The following LUZP2 variants were observed in gnomAD, a reference collection of about 807,000 sequenced individuals.
LUZP2 encodes the protein leucine zipper protein 2.
Under a neutral mutation model 51.6 loss-of-function variants are expected in LUZP2, and 52 were observed. The ratio of observed to expected loss-of-function variants is 1.01; its 90% CI spans 0.81 to 1.27. The LOEUF (loss-of-function observed/expected upper bound fraction) is 1.27. Ranked by LOEUF, LUZP2 falls within the 50% of genes most tolerant of loss-of-function variation. LUZP2 has a pLI of 0.00. For synonymous variants in LUZP2, 154 were observed against 137.3 expected (o/e 1.12, Z -0.85); for missense variants, 436 against 395.4 (o/e 1.10, Z -0.87).
At chr11:24,667,184 CTTTTTTTTTT>C (rs199740839) in intron 1 of LUZP2, among the ~76,000 whole-genome samples, 1 of 132,056 alleles carries the variant, frequency 7.6e-6, no homozygotes, top group Non-Finnish European at 1.6e-5. Context: ...TTCTTTTTTT[CTTTTTTTTTT>C]TTTTTTTGAG....
At chr11:24,978,684 A>G (rs950656081) in intron 8 of LUZP2, among the ~76,000 whole-genome samples, 1 of 151,772 alleles carries the variant, frequency 6.6e-6, no homozygotes, top group South Asian at 2.1e-4. Context: ...GTTTAGCACT[A>G]ACAATTAGGG....
At chr11:24,635,421 A>T (rs999705818) in intron 1 of LUZP2, among the ~76,000 whole-genome samples, 8 of 150,300 alleles carry the variant, frequency 5.3e-5, no homozygotes, top group South Asian at 4.2e-4. Context: ...ATCAGAAAAG[A>T]GTGTGTGTGT....
intron 9 of LUZP2, among the ~76,000 whole-genome samples, chr11:24,997,924 A>G (rs1167171815): frequency 6.6e-6 from 1 of 152,134 alleles, no homozygotes; most frequent in Non-Finnish European, 1.5e-5. Context: ...AAGATCGGAC[A>G]GTTGTAGATA....
chr11:25,030,938 T>TATATATG (rs1857644186), intron 9 of LUZP2, among the ~76,000 whole-genome samples: 2 of 1,366 alleles, frequency 1.5e-3, no homozygotes, highest in Non-Finnish European at 2.2e-3. Context: ...ATAATATATA[T>TATATATG]TATATATATT....
intron 5 of LUZP2, among the ~76,000 whole-genome samples, chr11:24,868,528 A>G (rs1347531606): frequency 6.6e-6 from 1 of 152,082 alleles, no homozygotes; most frequent in Non-Finnish European, 1.5e-5. Flanking sequence ...TCTCTTGTTA[A>G]TCTGTCTTTT....
chr11:25,019,659 G>C (rs1020847604), intron 9 of LUZP2, among the ~76,000 whole-genome samples: 2 of 151,970 alleles, frequency 1.3e-5, no homozygotes, highest in Non-Finnish European at 2.9e-5. Flanking sequence ...ATTTAATATA[G>C]AACTTTTACT....
chr11:24,970,691 C>T (rs1855714905), intron 7 of LUZP2, among the ~76,000 whole-genome samples: 3 of 152,160 alleles, frequency 2.0e-5, no homozygotes, highest in Admixed American at 2.0e-4. Flanking sequence ...GTTATACCTT[C>T]ATGTTTCCCA....
At chr11:24,836,014 C>T (rs1037383957) in intron 5 of LUZP2, among the ~76,000 whole-genome samples, 1 of 151,844 alleles carries the variant, frequency 6.6e-6, no homozygotes, top group African/African-American at 2.4e-5. Context: ...ATGCAGATGC[C>T]ATATGGTACC....
intron 5 of LUZP2, among the ~76,000 whole-genome samples, chr11:24,784,751 C>G (rs921562175): frequency 1.3e-5 from 2 of 151,946 alleles, no homozygotes; most frequent in African/African-American, 4.8e-5. Flanking sequence ...TTAACTATAG[C>G]AAGGTAGAAT....
At chr11:24,585,802 G>C (rs1853044254) in intron 1 of LUZP2, among the ~76,000 whole-genome samples, 1 of 152,046 alleles carries the variant, frequency 6.6e-6, no homozygotes, top group African/African-American at 2.4e-5. Flanking sequence ...TTTATTTAAA[G>C]TTCTGTCTTA....
intron 1 of LUZP2, among the ~76,000 whole-genome samples, chr11:24,569,255 A>G (rs1175945730): frequency 2.6e-5 from 4 of 152,216 alleles, no homozygotes; most frequent in East Asian, 3.9e-4. Flanking sequence ...GCTGTTATAC[A>G]AAACAAAATA....
At chr11:24,833,893 G>C (rs948618413) in intron 5 of LUZP2, among the ~76,000 whole-genome samples, 1 of 152,176 alleles carries the variant, frequency 6.6e-6, no homozygotes, top group Non-Finnish European at 1.5e-5. Flanking sequence ...CAGCTATTGT[G>C]TTCTGCCTTA....
intron 1 of LUZP2, among the ~76,000 whole-genome samples, chr11:24,511,781 T>C (rs1033866774): frequency 3.3e-5 from 5 of 152,320 alleles, no homozygotes; most frequent in Admixed American, 3.3e-4. Flanking sequence ...TTGTTGTTCT[T>C]TCTTGAACTT....
At chr11:24,923,073 C>A (rs1214039953) in intron 7 of LUZP2, among the ~76,000 whole-genome samples, 1 of 151,744 alleles carries the variant, frequency 6.6e-6, no homozygotes, top group Non-Finnish European at 1.5e-5. Flanking sequence ...TGGTCTCGAT[C>A]TCCTGACCTC....
chr11:24,593,416 A>C (rs1434592932), intron 1 of LUZP2, among the ~76,000 whole-genome samples: 1 of 152,166 alleles, frequency 6.6e-6, no homozygotes, highest in African/African-American at 2.4e-5. Context: ...CGAGATTTCT[A>C]TCAGATGTCC....
At chr11:24,633,964 G>GTGTATATATATA (rs141308575) in intron 1 of LUZP2, among the ~76,000 whole-genome samples, 16 of 149,246 alleles carry the variant, frequency 1.1e-4, no homozygotes, top group East Asian at 3.9e-4. Context: ...GTGTGTGTGT[G>GTGTATATATATA]TATATATAGT....
intron 1 of LUZP2, among the ~76,000 whole-genome samples, chr11:24,530,226 A>G (rs1296517908): frequency 6.6e-6 from 1 of 150,892 alleles, no homozygotes; most frequent in African/African-American, 2.4e-5. Context: ...GGAGATTTAC[A>G]CTATTCTCAT....
intron 1 of LUZP2, among the ~76,000 whole-genome samples, chr11:24,500,899 G>A (rs933783569): frequency 1.2e-4 from 18 of 152,078 alleles, no homozygotes; most frequent in African/African-American, 3.6e-4. Context: ...AAGATGCCCC[G>A]GGCTATTTGT....
intron 9 of LUZP2, among the ~76,000 whole-genome samples, chr11:25,023,838 T>C (rs1271762548): frequency 2.6e-5 from 4 of 152,200 alleles, no homozygotes; most frequent in Non-Finnish European, 5.9e-5. Flanking sequence ...GTTGTGTCTT[T>C]GTTCTCATTG....
Sources: allele counts gnomAD v4.1 joint callset (sites outside exome capture counted in the v4.1 genomes callset), GRCh38; gene constraint gnomAD v4.1.1; transcripts MANE v1.5; gene names NCBI Gene and HGNC (gene_info 2026-07-23, HGNC 2026-07-21).